Variants in PDS5B observed in about 807,000 individuals in gnomAD.
The protein encoded by PDS5B is sister chromatid cohesion protein PDS5 homolog B.
Under a neutral mutation model 184.1 loss-of-function variants are expected in PDS5B, and 51 were observed. The ratio of observed to expected loss-of-function variants is 0.28; its 90% CI spans 0.22 to 0.35. The LOEUF (loss-of-function observed/expected upper bound fraction) is 0.35, where lower values mean the gene tolerates loss of function less well. Ranked by LOEUF, PDS5B falls within the 10% of genes least tolerant of loss-of-function variation. PDS5B has a pLI of 1.00. For missense variants in PDS5B, 1,180 were observed against 1,723.3 expected, an observed-to-expected ratio of 0.68 and a Z score of 5.58; for synonymous variants, 566 against 569.2, an observed-to-expected ratio of 0.99 and a Z score of 0.08.
chr13:32,741,038 T>G (rs747644602), intron 21 of PDS5B, 42 bp from the exon 22 acceptor site: 4 of 1,144,068 alleles, frequency 3.5e-6, no homozygotes, highest in Non-Finnish European at 3.9e-6. Context: ...ATATTTACAT[T>G]TTAAAGTCCC....
intron 15 of PDS5B, among the ~76,000 whole-genome samples, chr13:32,698,214 C>T (rs1210448268): frequency 6.6e-6 from 1 of 152,066 alleles, no homozygotes; most frequent in African/African-American, 2.4e-5. Flanking sequence ...TTTTCTTTAT[C>T]CCTTCTTTTC....
intron 26 of PDS5B, among the ~76,000 whole-genome samples, chr13:32,756,847 G>C (rs1198852383): frequency 6.6e-6 from 1 of 152,096 alleles, no homozygotes; most frequent in Non-Finnish European, 1.5e-5. Flanking sequence ...GTTCGGCCAG[G>C]CCTGGTGGCT....
Position 32,776,602 on chromosome 13 carries a change from A to G in PDS5B, c.*1550A>G, listed in dbSNP as rs992677735. The stretch of plus-strand genomic sequence containing the variant: ...TTTTTCATGGTTAACACCAGAGGGG[A>G]AAAAATCATATTCTAACTTATTAAA... On this transcript the variant is annotated 3_prime_UTR_variant, in exon 35 of 35. Transcript: ENST00000315596. 2 of 152,094 alleles carry G rather than the reference A, an allele frequency of 1.3e-5. No individual in the cohort carries two copies. The highest frequency in any genetic ancestry group is 1.9e-4 in the East Asian group (1 of 5,200). 9.4% of individuals were successfully genotyped at this position (152,094 alleles called of 1,614,324 possible).
chr13:32,630,125 G>A (rs1357114745), intron 1 of PDS5B, among the ~76,000 whole-genome samples: 1 of 152,090 alleles, frequency 6.6e-6, no homozygotes. Flanking sequence ...CTTTTTTGAC[G>A]ATAGATGTTA....
At chr13:32,649,789 GTTTA>G (rs1168937653) in intron 2 of PDS5B, 2 of 152,058 alleles carry the variant, frequency 1.3e-5, no homozygotes, top group Non-Finnish European at 2.9e-5. Context: ...GATATCAGAT[GTTTA>G]TTCAAAGGAA....
intron 1 of PDS5B, among the ~76,000 whole-genome samples, chr13:32,636,334 A>G (rs998820930): frequency 2.0e-5 from 3 of 152,222 alleles, no homozygotes; most frequent in Non-Finnish European, 4.4e-5. Context: ...GCTTACGTAT[A>G]TGAAGTATCA....
intron 26 of PDS5B, among the ~76,000 whole-genome samples, chr13:32,757,530 C>T (rs1188218976): frequency 2.6e-5 from 4 of 151,122 alleles, no homozygotes; most frequent in Admixed American, 1.3e-4. Flanking sequence ...TAGAGTTTTA[C>T]GTAATTAAGT....
chr13:32,687,956 T>TCAA (rs1951444033), intron 12 of PDS5B, among the ~76,000 whole-genome samples: 3 of 152,178 alleles, frequency 2.0e-5, no homozygotes, highest in Non-Finnish European at 4.4e-5. Flanking sequence ...TTTATAGTTG[T>TCAA]TTTTATAAAA....
chr13:32,596,736 A>G (rs1431954117), intron 1 of PDS5B, among the ~76,000 whole-genome samples: 1 of 152,064 alleles, frequency 6.6e-6, no homozygotes, highest in Non-Finnish European at 1.5e-5. Context: ...GATTTCCTTG[A>G]TATCTAGTGA....
At chr13:32,596,045 A>C (rs543296390) in intron 1 of PDS5B, among the ~76,000 whole-genome samples, 19 of 152,346 alleles carry the variant, frequency 1.2e-4, no homozygotes, top group African/African-American at 3.8e-4. Context: ...TCACAGATTT[A>C]TTTAGAAATA....
chr13:32,705,362 T>C (rs1951980217), intron 17 of PDS5B, among the ~76,000 whole-genome samples: 1 of 152,090 alleles, frequency 6.6e-6, no homozygotes. Flanking sequence ...TAGTTGGAGA[T>C]AAGAGAATAA....
chr13:32,741,010 G>C (rs1953522823), intron 21 of PDS5B, 70 bp from the exon 22 acceptor site: 2 of 870,626 alleles, frequency 2.3e-6, no homozygotes, highest in Non-Finnish European at 3.7e-6. Flanking sequence ...TTTTCTAAGT[G>C]CTAATTGAAA....
At chr13:32,635,341 CTT>C (rs576811097) in intron 1 of PDS5B, among the ~76,000 whole-genome samples, 19 of 103,782 alleles carry the variant, frequency 1.8e-4, no homozygotes, top group East Asian at 2.6e-4. Context: ...CCTGGCCTGT[CTT>C]TTTTTTTTTT....
In PDS5B at chr13:32,746,197, G is replaced by T. The variant is rs1381114824; in HGVS notation, c.2736+97G>T. 19 of 1,042,924 alleles carry T rather than the reference G, an allele frequency of 1.8e-5. No homozygotes were observed. The East Asian group carries it at 4.4e-4, about 24-fold the overall frequency. The allele number at this position is 1,042,924 out of a possible 1,614,324, so 64.6% of individuals were successfully genotyped here. On this transcript the variant is annotated intron_variant, in intron 24 of 34. Transcript: ENST00000315596. ...ATACATAGATTAAAATCTTGAATGT[G>T]TATGGTTTGTTTGTTTCTGAAAAAT...
chr13:32,680,307 G>T (rs1355144054), intron 10 of PDS5B, among the ~76,000 whole-genome samples: 2 of 152,058 alleles, frequency 1.3e-5, no homozygotes, highest in Non-Finnish European at 2.9e-5. Context: ...TAAACTATTT[G>T]GAACACTCTG....
chr13:32,725,303 G>T (rs994021216), intron 19 of PDS5B, among the ~76,000 whole-genome samples: 1 of 152,118 alleles, frequency 6.6e-6, no homozygotes, highest in Non-Finnish European at 1.5e-5. Context: ...TTGTGTTTCA[G>T]TCAGTTATGG....
intron 19 of PDS5B, among the ~76,000 whole-genome samples, chr13:32,730,372 G>C (rs1953068368): frequency 6.6e-6 from 1 of 152,134 alleles, no homozygotes; most frequent in African/African-American, 2.4e-5. Flanking sequence ...TTTGAAGTCA[G>C]GTAGCATGAT....
At chr13:32,624,921 CAG>C (rs901814653) in intron 1 of PDS5B, among the ~76,000 whole-genome samples, 2 of 152,018 alleles carry the variant, frequency 1.3e-5, no homozygotes, top group African/African-American at 2.4e-5. Flanking sequence ...AGATAAGAGA[CAG>C]ATGGTGAGTG....
In PDS5B at chr13:32,688,494, C is replaced by T; in HGVS notation, c.1394C>T (p.Pro465Leu). The T allele has an allele frequency of 6.2e-7, 1 of 1,608,278 alleles. No homozygotes were observed. Among genetic ancestry groups the T allele is most frequent in the Non-Finnish European group, 8.5e-7 (1 of 1,175,720 alleles). Residue 465 changes from proline to leucine, a missense_variant, in exon 13 of 35, where the codon CCT becomes CTT. Pro to Leu is a moderately conservative substitution (Grantham distance 98). This residue lies in a region of PDS5B where 475 missense variants were observed against 691.5 expected (regional missense o/e 0.69). Coordinates refer to ENST00000315596, the MANE Select transcript of PDS5B (RefSeq NM_015032.4). ...VERIFAQYMV[P>L]HNLETTERMK... ...CGGATCTTTGCTCAATACATGGTTC[C>T]TCACAATTTAGAAACTACAGAACGG...
Sources: allele counts gnomAD v4.1 joint callset (sites outside exome capture counted in the v4.1 genomes callset), GRCh38; gene constraint gnomAD v4.1.1; regional missense constraint gnomAD v4.1.1; transcripts MANE v1.5; gene names NCBI Gene and HGNC (gene_info 2026-07-23, HGNC 2026-07-21).